The following PLCB1 variants were observed in gnomAD, a reference collection of about 807,000 sequenced individuals.
The protein encoded by PLCB1 is 1-phosphatidylinositol 4,5-bisphosphate phosphodiesterase beta-1.
Under a neutral mutation model 161.8 loss-of-function variants are expected in PLCB1, and 46 were observed. The observed-to-expected ratio is 0.28, with a 90% CI of 0.22 to 0.36. The LOEUF is 0.36. Ranked by LOEUF, PLCB1 falls within the 10% of genes least tolerant of loss-of-function variation. The pLI is 1.00. For missense variants in PLCB1, 1,016 were observed against 1,472.5 expected (o/e 0.69, Z 5.07); for synonymous variants, 517 against 503.7 (o/e 1.03, Z -0.35).
chr20:8,767,002 C>A (rs141482380), intron 26 of PLCB1, among the ~76,000 whole-genome samples: 1 of 152,064 alleles, frequency 6.6e-6, no homozygotes, highest in South Asian at 2.1e-4. Context: ...TTAAAAAGAT[C>A]GTAAAATATG....
intron 2 of PLCB1, among the ~76,000 whole-genome samples, chr20:8,177,537 A>G (rs1568579502): frequency 6.6e-6 from 1 of 151,780 alleles, no homozygotes; most frequent in Non-Finnish European, 1.5e-5. Flanking sequence ...CTAGGCTGCT[A>G]CTCCCTCCTA....
At chr20:8,546,508 T>A (rs1053458717) in intron 3 of PLCB1, among the ~76,000 whole-genome samples, 3 of 152,124 alleles carry the variant, frequency 2.0e-5, no homozygotes, top group African/African-American at 7.2e-5. Context: ...TTTCTTATAC[T>A]ACCAAGAATG....
intron 2 of PLCB1, among the ~76,000 whole-genome samples, chr20:8,169,606 A>C (rs1336078178): frequency 6.6e-6 from 1 of 152,130 alleles, no homozygotes. Context: ...TTGAAACATC[A>C]GGGCCCCCAA....
intron 3 of PLCB1, among the ~76,000 whole-genome samples, chr20:8,468,768 T>C (rs773063939): frequency 4.6e-5 from 7 of 152,220 alleles, no homozygotes; most frequent in Non-Finnish European, 7.3e-5. Flanking sequence ...AGCTAATTTA[T>C]ATACATTATC....
chr20:8,808,957 A>C (rs112745552), intron 31 of PLCB1, among the ~76,000 whole-genome samples: 12 of 152,236 alleles, frequency 7.9e-5, no homozygotes, highest in African/African-American at 2.9e-4. Flanking sequence ...AATACTCATA[A>C]CTCATCATTT....
chr20:8,228,223 G>A (rs939688819), intron 2 of PLCB1, among the ~76,000 whole-genome samples: 1 of 151,822 alleles, frequency 6.6e-6, no homozygotes, highest in African/African-American at 2.4e-5. Context: ...ATAACAATCG[G>A]CCCATACAAT....
intron 2 of PLCB1, among the ~76,000 whole-genome samples, chr20:8,151,706 T>G (rs2051510452): frequency 6.6e-6 from 1 of 152,204 alleles, no homozygotes; most frequent in African/African-American, 2.4e-5. Context: ...AAGGATATTT[T>G]TAGAACTGTT....
At chr20:8,413,718 G>T (rs901699602) in intron 3 of PLCB1, among the ~76,000 whole-genome samples, 5 of 152,078 alleles carry the variant, frequency 3.3e-5, no homozygotes, top group African/African-American at 9.7e-5. Context: ...CTTTATTTGC[G>T]GTATGGGAAA....
intron 23 of PLCB1, among the ~76,000 whole-genome samples, chr20:8,755,939 A>G (rs1981714395): frequency 6.6e-6 from 1 of 152,244 alleles, no homozygotes. Flanking sequence ...AGGTGTCCTC[A>G]CAGAAGTATT....
chr20:8,841,849 A>T (rs911433014), intron 31 of PLCB1, among the ~76,000 whole-genome samples: 8 of 152,242 alleles, frequency 5.3e-5, no homozygotes, highest in Admixed American at 5.2e-4. Context: ...CTGTGGTATC[A>T]TCATGGGGTC....
intron 3 of PLCB1, among the ~76,000 whole-genome samples, chr20:8,568,897 A>G (rs896987059): frequency 1.3e-5 from 2 of 152,210 alleles, no homozygotes; most frequent in African/African-American, 2.4e-5. Flanking sequence ...AAGGCAGCCA[A>G]TATGGTGTGA....
At chr20:8,790,664 C>A (rs994549398) in intron 31 of PLCB1, among the ~76,000 whole-genome samples, 5 of 152,152 alleles carry the variant, frequency 3.3e-5, no homozygotes, top group Admixed American at 2.0e-4. Flanking sequence ...GCAGAGGATG[C>A]CCTGCACCAA....
chr20:8,737,179 T>C lies in PLCB1; in HGVS notation c.2195T>C (p.Ile732Thr). The change falls in exon 20 of 32, where the codon ATT becomes ACT. Residue 732 changes from isoleucine to threonine, a missense_variant. Transcript: ENST00000338037. ...AATCCTGTCTGGGAAGAAGAACCTATTGTGTTCAAAAAGGTTGGTCACATG... is the reference window on the plus strand; with the variant it reads ...AATCCTGTCTGGGAAGAAGAACCTACTGTGTTCAAAAAGGTTGGTCACATG... ...AVNPVWEEEP[I>T]VFKKVVLPTL... The C allele has an allele frequency of 6.2e-7, 1 of 1,613,658 alleles. No individual in the cohort carries two copies. Among genetic ancestry groups the C allele is most frequent in the Non-Finnish European group, 8.5e-7 (1 of 1,179,742 alleles).
rs572931956 is a variant in PLCB1 at position 8,589,491 on chromosome 20, G to A, written c.247-38803G>A. Reference sequence around the variant, plus strand: ...AGGCTGGGAAGTCTAAGATCAAGGTGCCAGCAGATTTGGGGTCTGATGAGA... The same window carrying A: ...AGGCTGGGAAGTCTAAGATCAAGGTACCAGCAGATTTGGGGTCTGATGAGA... On this transcript the variant is annotated intron_variant, in intron 3 of 31. Transcript: ENST00000338037. Among the ~76,000 whole-genome samples the A allele has an allele frequency of 3.3e-5, 5 of 152,176 alleles. No homozygotes were observed. In the East Asian group the frequency reaches 7.7e-4, roughly 24 times the overall value.
chr20:8,814,926 C>T (rs1568610146), intron 31 of PLCB1, among the ~76,000 whole-genome samples: 1 of 152,122 alleles, frequency 6.6e-6, no homozygotes, highest in Non-Finnish European at 1.5e-5. Context: ...ATCTAGTCTC[C>T]CGTCTTTTTG....
At chr20:8,525,270 A>G (rs1984537003) in intron 3 of PLCB1, among the ~76,000 whole-genome samples, 1 of 151,414 alleles carries the variant, frequency 6.6e-6, no homozygotes, top group African/African-American at 2.4e-5. Context: ...AAAAAAAAGG[A>G]GCTAATTGCA....
At chr20:8,162,949 T>A (rs998524302) in intron 2 of PLCB1, among the ~76,000 whole-genome samples, 1 of 152,176 alleles carries the variant, frequency 6.6e-6, no homozygotes, top group Non-Finnish European at 1.5e-5. Flanking sequence ...CTAAAGTGAC[T>A]TTTTCATATA....
At chr20:8,165,787 C>A (rs1170114043) in intron 2 of PLCB1, among the ~76,000 whole-genome samples, 1 of 151,922 alleles carries the variant, frequency 6.6e-6, no homozygotes, top group Non-Finnish European at 1.5e-5. Context: ...TCATTAAAAC[C>A]CTCTCCTTCT....
At chr20:8,310,354 A>G (rs1192850706) in intron 2 of PLCB1, among the ~76,000 whole-genome samples, 1 of 152,192 alleles carries the variant, frequency 6.6e-6, no homozygotes, top group Non-Finnish European at 1.5e-5. Flanking sequence ...ATGAAGTTCA[A>G]CTGTTAGTCC....
Sources: gnomAD v4.1 joint callset for allele counts (sites outside exome capture counted in the v4.1 genomes callset) on GRCh38, gnomAD v4.1.1 for gene constraint, MANE v1.5 for transcripts, NCBI Gene and HGNC (gene_info 2026-07-23, HGNC 2026-07-21) for gene names.